FARP2: variants seen among roughly 807,000 people sequenced by gnomAD.
FARP2 encodes the protein FERM, ARH/RhoGEF and pleckstrin domain protein 2.
A neutral mutation model predicts 130.5 loss-of-function variants in FARP2; 111 were observed. That is an observed-to-expected ratio of 0.85 (90% CI 0.73 to 1.00). The LOEUF (loss-of-function observed/expected upper bound fraction) is 1.00. Ranked by LOEUF, FARP2 falls within the 50% of genes least tolerant of loss-of-function variation. The pLI is 0.00. For missense variants in FARP2, 1,385 were observed against 1,346.3 expected (o/e 1.03, Z -0.45); for synonymous variants, 504 against 516.9 (o/e 0.98, Z 0.34).
intron 1 of FARP2, among the ~76,000 whole-genome samples, chr2:241,357,839 A>T (rs1006327091): frequency 6.6e-6 from 1 of 152,206 alleles, no homozygotes; most frequent in Non-Finnish European, 1.5e-5. Context: ...TTTCCCAAAG[A>T]GGAAGTTGAT....
At chr2:241,412,423 C>CA (rs1574770080) in intron 6 of FARP2, among the ~76,000 whole-genome samples, 1 of 152,222 alleles carries the variant, frequency 6.6e-6, no homozygotes, top group East Asian at 1.9e-4. Flanking sequence ...TGAAGTATGG[C>CA]AAGTAACATG....
At chr2:241,490,125 C>CT (rs911028956) in intron 22 of FARP2, 81 bp downstream of exon 22, 2 of 1,015,772 alleles carry the variant, frequency 2.0e-6, no homozygotes, top group African/African-American at 1.6e-5. Context: ...TCTGAGTCCT[C>CT]TGAGCTGTGA....
At chr2:241,484,707 G>C (rs1375896694) in intron 21 of FARP2, among the ~76,000 whole-genome samples, 6 of 152,202 alleles carry the variant, frequency 3.9e-5, no homozygotes, top group African/African-American at 1.4e-4. Flanking sequence ...CCAGCCCTCT[G>C]TCCCATGTAG....
rs1030866505 is a variant in FARP2 at position 241,358,671 on chromosome 2, A to G, written c.-25+2283A>G. ...GCGTCATGAGCTTCATAAACACAGCATAGTGCTAGATATACAGGCAAAACC... is the reference window on the plus strand; with the variant it reads ...GCGTCATGAGCTTCATAAACACAGCGTAGTGCTAGATATACAGGCAAAACC... On this transcript the variant is annotated intron_variant, in intron 1 of 26. Coordinates refer to ENST00000264042, the MANE Select transcript of FARP2 (RefSeq NM_014808.4). Among the ~76,000 whole-genome samples the G allele has an allele frequency of 2.6e-4, 40 of 152,236 alleles. 1 individual carries two copies. The highest frequency in any genetic ancestry group is 4.4e-5 in the Non-Finnish European group (3 of 68,050).
intron 2 of FARP2, among the ~76,000 whole-genome samples, chr2:241,376,337 T>C (rs2061536143): frequency 6.6e-6 from 1 of 152,220 alleles, no homozygotes; most frequent in South Asian, 2.1e-4. Context: ...TAGCTCTGAT[T>C]CGAGGGGTGG....
chr2:241,382,062 C>T (rs1473530106), intron 2 of FARP2, among the ~76,000 whole-genome samples: 1 of 152,124 alleles, frequency 6.6e-6, no homozygotes, highest in Admixed American at 6.5e-5. Context: ...CTCACAGTGG[C>T]CCACAGCCAA....
chr2:241,437,417 T>A (rs1367195163), intron 12 of FARP2, among the ~76,000 whole-genome samples: 1 of 152,218 alleles, frequency 6.6e-6, no homozygotes. Flanking sequence ...ATTTTTATGC[T>A]GGCATGTTAA....
At chr2:241,383,265 T>C (rs3771555) in intron 2 of FARP2, among the ~76,000 whole-genome samples, 55,184 of 152,178 alleles carry the variant, frequency 0.36, 10,623 homozygotes, top group East Asian at 0.67. Flanking sequence ...GGACAAGGTA[T>C]ACTGCGAAGT....
intron 14 of FARP2, among the ~76,000 whole-genome samples, chr2:241,461,648 A>AG (rs1462972230): frequency 6.6e-6 from 1 of 152,228 alleles, no homozygotes; most frequent in African/African-American, 2.4e-5. Context: ...TCACAGGGGC[A>AG]GGGGGCAGTG....
At chr2:241,438,171 T>C (rs2063292211) in intron 12 of FARP2, among the ~76,000 whole-genome samples, 2 of 152,230 alleles carry the variant, frequency 1.3e-5, no homozygotes, top group Non-Finnish European at 1.5e-5. Flanking sequence ...CAGTTTCAAC[T>C]TTTATCTCTG....
chr2:241,434,505 A>G (rs1362301686), intron 10 of FARP2, among the ~76,000 whole-genome samples, 184 bp downstream of exon 10: 3 of 152,196 alleles, frequency 2.0e-5, no homozygotes, highest in African/African-American at 7.2e-5. Context: ...AATACGCTTA[A>G]TAAAAACTTT....
intron 2 of FARP2, among the ~76,000 whole-genome samples, chr2:241,398,489 A>G (rs2062084314): frequency 6.6e-6 from 1 of 151,584 alleles, no homozygotes; most frequent in Non-Finnish European, 1.5e-5. Flanking sequence ...AAAACAAATC[A>G]CTGTTTATCC....
At chr2:241,412,142 GT>G (rs1207789362) in intron 6 of FARP2, among the ~76,000 whole-genome samples, 1 of 152,180 alleles carries the variant, frequency 6.6e-6, no homozygotes, top group African/African-American at 2.4e-5. Flanking sequence ...TAAGAATATT[GT>G]ATTAGTCCAT....
intron 1 of FARP2, among the ~76,000 whole-genome samples, chr2:241,361,524 G>A (rs2061186025): frequency 6.6e-6 from 1 of 152,170 alleles, no homozygotes; most frequent in South Asian, 2.1e-4. Context: ...GTTGCAGTGG[G>A]AAAAGGCAGT....
chr2:241,466,553 C>T, intron 17 of FARP2: 1 of 985,442 alleles, frequency 1.0e-6, no homozygotes, highest in Non-Finnish European at 1.2e-6. Flanking sequence ...GGCTTGGCCA[C>T]TTCCACCTCC....
At position 241,491,637 on chromosome 2, in the gene FARP2, G is replaced by C. The variant is rs2064917591; in HGVS notation, c.2745G>C (p.Arg915=). The part of the protein sequence containing the change: ...ANTTMHVCWY[R]NTSVSRADHS... ...CCACAATGCACGTGTGCTGGTACCGGAACACCAGCGTGTCCAGGGCAGACC... is the reference window on the plus strand; with the variant it reads ...CCACAATGCACGTGTGCTGGTACCGCAACACCAGCGTGTCCAGGGCAGACC... The change falls in exon 24 of 27, where the codon CGG becomes CGC. Residue 915 remains arginine (R), a synonymous_variant. Transcript: ENST00000264042. 6.2e-6 allele frequency: 10 copies of C among 1,613,188 alleles called. No homozygotes were observed. The East Asian group carries it at 1.1e-4, about 18-fold the overall frequency.
chr2:241,438,911 G>C (rs2063315659), intron 12 of FARP2, among the ~76,000 whole-genome samples: 3 of 152,046 alleles, frequency 2.0e-5, no homozygotes. Context: ...TTACAGGCGT[G>C]AGCCACCGCG....
In FARP2 at chr2:241,405,745, C is replaced by T. The variant is rs189144214; in HGVS notation, c.331+904C>T. Among the ~76,000 whole-genome samples the T allele has an allele frequency of 1.4e-3, 220 of 152,172 alleles. 1 individual carries two copies. Among genetic ancestry groups the T allele is most frequent in the Admixed American group, 0.01 (156 of 15,284 alleles). On this transcript the variant is annotated intron_variant, in intron 4 of 26. Coordinates refer to ENST00000264042, the MANE Select transcript of FARP2 (RefSeq NM_014808.4). ...GGTCAGGAGTTCGAGACCAGCCTCG[C>T]CAACATGGTGAAACCCTGTCTCTAC...
chr2:241,421,718 GAT>G (rs76524457), intron 8 of FARP2, among the ~76,000 whole-genome samples: 110,306 of 151,928 alleles, frequency 0.73, 40,745 homozygotes, highest in Middle Eastern at 0.84. Flanking sequence ...ACCCTCCTGG[GAT>G]ATAAAGCTTT....
Sources: allele counts gnomAD v4.1 joint callset (sites outside exome capture counted in the v4.1 genomes callset), GRCh38; gene constraint gnomAD v4.1.1; transcripts MANE v1.5; gene names NCBI Gene and HGNC (gene_info 2026-07-23, HGNC 2026-07-21).